The following PARD3 variants were observed in gnomAD, a reference collection of about 807,000 sequenced individuals.
PARD3 encodes the protein partitioning defective 3 homolog.
PARD3 carries 75 observed loss-of-function variants against 155.4 expected under a neutral mutation model. The observed-to-expected ratio is 0.48, with a 90% CI of 0.40 to 0.58. The LOEUF (loss-of-function observed/expected upper bound fraction) is 0.58, where lower values mean the gene tolerates loss of function less well. Ranked by LOEUF, PARD3 falls within the 20% of genes least tolerant of loss-of-function variation. The pLI is 0.00. For missense variants in PARD3, 1,642 were observed against 1,721.7 expected (o/e 0.95, Z 0.82); for synonymous variants, 576 against 610.5 (o/e 0.94, Z 0.83).
intron 5 of PARD3, among the ~76,000 whole-genome samples, chr10:34,419,341 A>AC (rs1335039279): frequency 6.6e-6 from 1 of 151,644 alleles, no homozygotes; most frequent in Admixed American, 6.6e-5. Flanking sequence ...ATATGGTGAA[A>AC]CCCCGCCTCT....
intron 1 of PARD3, among the ~76,000 whole-genome samples, chr10:34,751,256 A>G (rs917496374): frequency 5.3e-5 from 8 of 152,232 alleles, no homozygotes; most frequent in Non-Finnish European, 8.8e-5. Context: ...ATAATTACCT[A>G]ATAAATGGAA....
chr10:34,273,450 A>C (rs1391347251), intron 21 of PARD3, among the ~76,000 whole-genome samples: 1 of 152,188 alleles, frequency 6.6e-6, no homozygotes, highest in Admixed American at 6.5e-5. Flanking sequence ...AAAAGTATGG[A>C]GTTGGTGAAC....
chr10:34,506,474 A>G (rs956424538), intron 3 of PARD3, among the ~76,000 whole-genome samples: 3 of 152,128 alleles, frequency 2.0e-5, no homozygotes, highest in African/African-American at 4.8e-5. Context: ...GATGGCCTCA[A>G]TGGGGAGAAG....
chr10:34,378,429 G>A (rs748128599), intron 9 of PARD3, among the ~76,000 whole-genome samples: 6 of 151,998 alleles, frequency 3.9e-5, no homozygotes, highest in Non-Finnish European at 7.4e-5. Context: ...ACTACATGAA[G>A]AAAGAAAAAA....
intron 7 of PARD3, among the ~76,000 whole-genome samples, chr10:34,397,770 C>A (rs1022766706): frequency 5.9e-5 from 9 of 152,150 alleles, no homozygotes; most frequent in African/African-American, 1.9e-4. Context: ...TGGCTCAAAG[C>A]TGGTACAGAC....
chr10:34,111,308 T>C lies in PARD3; in HGVS notation c.3923A>G (p.Asp1308Gly). ...GGGGTCCTGGACTTTCTTATACGAGTCATAGTTGCTGGGCCCCTCGGAAGG... is the reference window on the plus strand; with the variant it reads ...GGGGTCCTGGACTTTCTTATACGAGCCATAGTTGCTGGGCCCCTCGGAAGG... ...QPPSEGPSNY[D>G]SYKKVQDPSY... Residue 1308 changes from aspartate (D) to glycine (G), a missense_variant, in exon 25 of 25, where the codon GAC becomes GGC. Around this residue, in one of 3 missense-constraint regions of PARD3, gnomAD observed 1,529 missense variants for 1,587.3 expected, o/e 0.96. Transcript: ENST00000374788. 6.2e-7 allele frequency: 1 copy of C among 1,613,812 alleles called. No individual in the cohort carries two copies.
intron 1 of PARD3, among the ~76,000 whole-genome samples, chr10:34,749,988 C>G (rs1375826110): frequency 6.6e-6 from 1 of 151,824 alleles, no homozygotes; most frequent in East Asian, 1.9e-4. Flanking sequence ...CACCACTGCA[C>G]TCCAGCCTAG....
intron 2 of PARD3, among the ~76,000 whole-genome samples, chr10:34,527,621 C>T (rs981659218): frequency 6.6e-6 from 1 of 152,166 alleles, no homozygotes; most frequent in African/African-American, 2.4e-5. Context: ...CTGTTCACTT[C>T]AAGTTCTGAA....
intron 22 of PARD3, among the ~76,000 whole-genome samples, chr10:34,229,810 T>C (rs906405254): frequency 2.0e-5 from 3 of 151,994 alleles, no homozygotes; most frequent in Admixed American, 1.3e-4. Flanking sequence ...AGCAAACAAA[T>C]AACCAAAGGA....
intron 1 of PARD3, among the ~76,000 whole-genome samples, chr10:34,699,001 T>C (rs557686848): frequency 1.3e-5 from 2 of 152,340 alleles, no homozygotes; most frequent in South Asian, 4.1e-4. Context: ...CACAAAAGTC[T>C]GTTGTCTGTC....
At chr10:34,151,221 A>G (rs1948767112) in intron 22 of PARD3, among the ~76,000 whole-genome samples, 1 of 150,426 alleles carries the variant, frequency 6.6e-6, no homozygotes, top group East Asian at 2.0e-4. Context: ...TCTGTGCAGG[A>G]TTTAGAAGTA....
chr10:34,134,242 A>G (rs1947768674), intron 22 of PARD3, among the ~76,000 whole-genome samples: 1 of 152,212 alleles, frequency 6.6e-6, no homozygotes, highest in Non-Finnish European at 1.5e-5. Context: ...AAGAGACAGG[A>G]AAGTGGGCAT....
chr10:34,293,212 A>T (rs1274827832), intron 20 of PARD3, among the ~76,000 whole-genome samples: 1 of 152,228 alleles, frequency 6.6e-6, no homozygotes, highest in Non-Finnish European at 1.5e-5. Context: ...ATGAAAGAAG[A>T]TGAGTGAAAG....
intron 22 of PARD3, among the ~76,000 whole-genome samples, chr10:34,226,014 G>A (rs1018617061): frequency 6.6e-6 from 1 of 152,082 alleles, no homozygotes; most frequent in Non-Finnish European, 1.5e-5. Context: ...CCCAGACTGG[G>A]AGAAACACTG....
intron 1 of PARD3, among the ~76,000 whole-genome samples, chr10:34,723,807 C>A (rs1056426784): frequency 6.6e-6 from 1 of 152,134 alleles, no homozygotes; most frequent in South Asian, 2.1e-4. Flanking sequence ...TTGAGCACAC[C>A]GCAGGGATGC....
intron 1 of PARD3, among the ~76,000 whole-genome samples, chr10:34,757,324 A>G (rs926545689): frequency 5.3e-5 from 8 of 152,242 alleles, no homozygotes; most frequent in African/African-American, 9.6e-5. Flanking sequence ...AAAGTTGCAA[A>G]TAACTGTGAG....
intron 2 of PARD3, among the ~76,000 whole-genome samples, chr10:34,606,035 A>C (rs973626204): frequency 2.2e-5 from 3 of 136,886 alleles, no homozygotes; most frequent in Non-Finnish European, 4.6e-5. Context: ...TCTCCTATAT[A>C]TATATATCTT....
intron 22 of PARD3, among the ~76,000 whole-genome samples, chr10:34,174,435 C>A (rs1386829940): frequency 6.6e-6 from 1 of 152,118 alleles, no homozygotes; most frequent in Admixed American, 6.5e-5. Context: ...AAACTGTATT[C>A]ACTACAGAAA....
At chr10:34,613,986 C>G (rs926751107) in intron 2 of PARD3, among the ~76,000 whole-genome samples, 1 of 152,094 alleles carries the variant, frequency 6.6e-6, no homozygotes, top group Non-Finnish European at 1.5e-5. Flanking sequence ...ACTACCTAGG[C>G]TATCCTTATA....
Sources: allele counts gnomAD v4.1 joint callset (sites outside exome capture counted in the v4.1 genomes callset), GRCh38; gene constraint gnomAD v4.1.1; regional missense constraint gnomAD v4.1.1; transcripts MANE v1.5; gene names NCBI Gene and HGNC (gene_info 2026-07-23, HGNC 2026-07-21).